MAP3K7: variants seen among roughly 807,000 people sequenced by gnomAD.
MAP3K7 encodes TGF-beta activated kinase 1.
Under a neutral mutation model 84.8 loss-of-function variants are expected in MAP3K7, and 21 were observed. That is an observed-to-expected ratio of 0.25 (90% confidence interval 0.18 to 0.36). MAP3K7 has a LOEUF of 0.36. Among genes scored for constraint, MAP3K7 ranks in the 10% least tolerant of loss-of-function variants. MAP3K7 has a pLI of 1.00. For synonymous variants in MAP3K7, 241 were observed against 247.7 expected (o/e 0.97, Z 0.25); for missense variants, 503 against 747.7 (o/e 0.67, Z 3.82).
At chr6:90,556,776 T>C in intron 5 of MAP3K7, 152 bp from the exon 6 acceptor site, 2 of 744,672 alleles carry the variant, frequency 2.7e-6, no homozygotes, top group Non-Finnish European at 4.1e-6. Flanking sequence ...TTGGTCACTA[T>C]AAAAGCCTAA....
intron 4 of MAP3K7, among the ~76,000 whole-genome samples, chr6:90,560,607 G>C (rs570818561): frequency 6.6e-6 from 1 of 152,274 alleles, no homozygotes; most frequent in South Asian, 2.1e-4. Flanking sequence ...TGATCTGCCT[G>C]CCTTGGCCTC....
chr6:90,571,705 T>C lies in MAP3K7; in HGVS notation c.223A>G (p.Ile75Val). 6.3e-7 allele frequency: 1 copy of C among 1,583,834 alleles called. No homozygotes were observed. The highest frequency in any genetic ancestry group is 8.6e-7 in the Non-Finnish European group (1 of 1,163,500). ...ATGAAATCTCAACTTACCTCTACAA[T>C]AAACGCTTTCCTCTCAGATTCACTT... ...IESESERKAF[I>V]VELRQLSRVN... The change falls in exon 2 of 17, where the codon ATT becomes GTT. Residue 75 changes from isoleucine to valine, a missense_variant. Ile to Val is a conservative substitution (Grantham distance 29, BLOSUM62 3). Transcript: ENST00000369329.
intron 13 of MAP3K7, among the ~76,000 whole-genome samples, chr6:90,533,683 T>G (rs1349601375): frequency 6.6e-6 from 1 of 152,196 alleles, no homozygotes; most frequent in Non-Finnish European, 1.5e-5. Flanking sequence ...TTTTGTCTCC[T>G]TTTATCACGG....
intron 1 of MAP3K7, among the ~76,000 whole-genome samples, chr6:90,580,733 G>A (rs554273750): frequency 2.0e-5 from 3 of 152,268 alleles, no homozygotes; most frequent in African/African-American, 7.2e-5. Flanking sequence ...AACTAAAATG[G>A]TGACATACAA....
At chr6:90,547,843 T>A (rs1240940831) in intron 10 of MAP3K7, among the ~76,000 whole-genome samples, 2 of 152,136 alleles carry the variant, frequency 1.3e-5, no homozygotes, top group African/African-American at 4.8e-5. Context: ...TTGGCAAAGG[T>A]AGCAATCATT....
chr6:90,540,626 A>AT (rs1018616580), intron 12 of MAP3K7, among the ~76,000 whole-genome samples: 2 of 151,830 alleles, frequency 1.3e-5, no homozygotes, highest in East Asian at 3.9e-4. Flanking sequence ...ATATGACAGT[A>AT]TTTTTTTCCA....
At position 90,551,936 on chromosome 6, in the gene MAP3K7, C is replaced by G. The variant is rs1776191111; in HGVS notation, c.867+113G>C. 4.3e-6 allele frequency: 5 copies of G among 1,175,644 alleles called. No individual in the cohort carries two copies. In the South Asian group the frequency reaches 7.0e-5, roughly 17 times the overall value. 72.8% of individuals were successfully genotyped at this position (1,175,644 alleles called of 1,614,324 possible). A position where few individuals can be genotyped will look rare whatever the true frequency, so the allele number is the denominator to read the frequency against. On this transcript the variant is annotated intron_variant, in intron 8 of 16. Transcript: ENST00000369329. ...TAAATGCCCATTCTCACTTAGAAAA[C>G]ATAGCAATATATAAAGCAGAATATA...
intron 11 of MAP3K7, 80 bp from the exon 12 acceptor site, chr6:90,544,712 C>T (rs912298008): frequency 8.7e-7 from 1 of 1,145,830 alleles, no homozygotes; most frequent in Non-Finnish European, 1.3e-6. Context: ...CAAAAATAGA[C>T]TCATTTTCAA....
chr6:90,523,317 G>A (rs576336052), intron 14 of MAP3K7, among the ~76,000 whole-genome samples: 1 of 151,854 alleles, frequency 6.6e-6, no homozygotes, highest in African/African-American at 2.4e-5. Flanking sequence ...ACCATTCTCC[G>A]ATTTTGGTTA....
intron 13 of MAP3K7, 53 bp downstream of exon 13, chr6:90,536,284 C>T (rs1775674521): frequency 1.4e-6 from 2 of 1,427,142 alleles, no homozygotes; most frequent in African/African-American, 1.4e-5. Flanking sequence ...ACAGTTAATT[C>T]TTGTTTTCTG....
intron 12 of MAP3K7, among the ~76,000 whole-genome samples, chr6:90,538,764 G>T (rs1407236380): frequency 6.6e-6 from 1 of 151,858 alleles, no homozygotes; most frequent in Non-Finnish European, 1.5e-5. Context: ...GATTTCCTGA[G>T]CTGGTATTTA....
chr6:90,549,209 A>T (rs1230822202), intron 9 of MAP3K7, among the ~76,000 whole-genome samples: 1 of 152,104 alleles, frequency 6.6e-6, no homozygotes, highest in Non-Finnish European at 1.5e-5. Flanking sequence ...ATGGGCACAG[A>T]TGTTGTGGAA....
Position 90,548,079 on chromosome 6 carries a change from A to T in MAP3K7, c.1048T>A (p.Ser350Thr). ...ATNDTIKRLE[S>T]KLLKNQAKQQ... The stretch of plus-strand genomic sequence containing the variant: ...TTTGCCTGATTTTTCAACAATTTTG[A>T]TTCTAAGCGCTTAATAGTATCATTT... Residue 350 changes from serine (S) to threonine (T), a missense_variant, in exon 10 of 17, where the codon TCA becomes ACA. By Grantham distance (58) the Ser-to-Thr change is moderately conservative (BLOSUM62 1). Transcript: ENST00000369329. 6.2e-7 allele frequency: 1 copy of T among 1,611,284 alleles called. No homozygotes were observed. The highest frequency in any genetic ancestry group is 8.5e-7 in the Non-Finnish European group (1 of 1,178,906).
intron 12 of MAP3K7, among the ~76,000 whole-genome samples, chr6:90,540,729 A>G (rs551797993): frequency 2.1e-4 from 32 of 152,066 alleles, no homozygotes; most frequent in Admixed American, 1.1e-3. Flanking sequence ...CCCATCTTCC[A>G]TTACTGATGC....
intron 13 of MAP3K7, among the ~76,000 whole-genome samples, chr6:90,525,947 C>T (rs1228318463): frequency 6.6e-6 from 1 of 152,160 alleles, no homozygotes; most frequent in Non-Finnish European, 1.5e-5. Context: ...CTCCTGGGCT[C>T]AAGTGATCCT....
At chr6:90,537,578 A>C (rs1562086640) in intron 12 of MAP3K7, among the ~76,000 whole-genome samples, 3 of 152,050 alleles carry the variant, frequency 2.0e-5, no homozygotes. Context: ...CAAATGTAAG[A>C]CATCATCAGT....
chr6:90,579,881 T>C (rs1293523560), intron 1 of MAP3K7, among the ~76,000 whole-genome samples: 1 of 152,094 alleles, frequency 6.6e-6, no homozygotes, highest in African/African-American at 2.4e-5. Flanking sequence ...AAACAAAAAA[T>C]TGTGGACACC....
chr6:90,571,047 G>T (rs1376449478), intron 2 of MAP3K7, among the ~76,000 whole-genome samples: 1 of 152,044 alleles, frequency 6.6e-6, no homozygotes, highest in Non-Finnish European at 1.5e-5. Context: ...TGAAAAAACA[G>T]AGATATAAAT....
intron 16 of MAP3K7, 124 bp downstream of exon 16, chr6:90,518,323 G>C (rs1001369146): frequency 1.2e-5 from 7 of 602,734 alleles, no homozygotes; most frequent in Non-Finnish European, 1.4e-5. Flanking sequence ...GGTGCTTAAA[G>C]CTTAAACAAG....
Sources: allele counts gnomAD v4.1 joint callset (sites outside exome capture counted in the v4.1 genomes callset), GRCh38; gene constraint gnomAD v4.1.1; transcripts MANE v1.5; gene names NCBI Gene and HGNC (gene_info 2026-07-23, HGNC 2026-07-21).